Variants in NKD2 observed in about 807,000 individuals in gnomAD.
The protein encoded by NKD2 is protein naked cuticle homolog 2.
In NKD2, 43 loss-of-function variants were observed where a neutral mutation model predicts 34.8. That is an observed-to-expected ratio of 1.24 (90% CI 0.97 to 1.60). NKD2 has a LOEUF of 1.60. Among genes scored for constraint, NKD2 ranks in the 40% most tolerant of loss-of-function variants. NKD2 has a pLI of 0.00. For synonymous variants in NKD2, 278 were observed against 265.1 expected (o/e 1.05, Z -0.47); for missense variants, 675 against 627.1 (o/e 1.08, Z -0.82).
At chr5:1,030,717 G>A (rs753614417) in intron 3 of NKD2, among the ~76,000 whole-genome samples, 8 of 152,142 alleles carry the variant, frequency 5.3e-5, no homozygotes, top group South Asian at 2.1e-4. Flanking sequence ...AGCCAGTCCC[G>A]GAATGTCGGG....
At position 1,018,473 on chromosome 5, in the gene NKD2, C is replaced by T. The variant is rs111274219; in HGVS notation, c.141+8913C>T. Among the ~76,000 whole-genome samples, 263 of 152,306 alleles carry T rather than the reference C, an allele frequency of 1.7e-3. 2 individuals are homozygous for T. Among genetic ancestry groups the T allele is most frequent in the African/African-American group, 6.1e-3 (252 of 41,554 alleles). On this transcript the variant is annotated intron_variant, in intron 3 of 9. Transcript: ENST00000296849. ...GACATGGGCCTGGGGAAGGTGCTTGCGGGTATTTCATGAGCTTTTCTAGGC... is the reference window on the plus strand; with the variant it reads ...GACATGGGCCTGGGGAAGGTGCTTGTGGGTATTTCATGAGCTTTTCTAGGC...
At position 1,034,866 on chromosome 5, in the gene NKD2, CT is replaced by C; in HGVS notation, c.538del (p.Ser180ProfsTer248). Reference protein sequence around the residue: ...RVKLTVSPEPSSKRKEGPPAG... With the variant: ...RVKLTVSPEPXSKRKEGPPAG... ...TGAAGCTAACCGTCAGCCCTGAGCC[CT>C]CCAGCAAGAGGAAGGAGGGTCCTCC... On this transcript the variant is annotated frameshift_variant, in exon 7 of 10. Transcript: ENST00000296849. LOFTEE classifies it high-confidence loss of function. The C allele has an allele frequency of 1.2e-6, 2 of 1,612,468 alleles. No individual in the cohort carries two copies. The highest frequency in any genetic ancestry group is 1.7e-6 in the Non-Finnish European group (2 of 1,179,808).
rs1464110194 is a variant in NKD2, at chr5:1,009,588, G to A, written c.141+28G>A. 8.5e-6 allele frequency: 12 copies of A among 1,419,946 alleles called. No individual in the cohort carries two copies. Among genetic ancestry groups the A allele is most frequent in the African/African-American group, 3.0e-5 (2 of 65,994 alleles). 88.0% of individuals were successfully genotyped at this position (1,419,946 alleles called of 1,614,324 possible). On this transcript the variant is annotated intron_variant, in intron 3 of 9. Transcript: ENST00000296849. This position sits in a 1 kb window ranked among gnomAD's most constrained non-coding sequence, Gnocchi z 6.9. The stretch of plus-strand genomic sequence containing the variant: ...AGGCGGCGGGGCGGAGGCTGGGGTC[G>A]CGCTGCGCACCCGCCCGGGGGCGGG...
chr5:1,028,869 G>C (rs1476348036), intron 3 of NKD2, among the ~76,000 whole-genome samples: 1 of 152,180 alleles, frequency 6.6e-6, no homozygotes, highest in Non-Finnish European at 1.5e-5. Flanking sequence ...ATCTCAGGGA[G>C]GGGCGCCCGC....
At position 1,024,161 on chromosome 5, in the gene NKD2, A is replaced by G. The variant is rs866449884; in HGVS notation, c.142-7991A>G. 1.0e-2 allele frequency among the ~76,000 whole-genome samples: 36 copies of G among 3,608 alleles called. 5 individuals carry two copies. Among genetic ancestry groups the G allele is most frequent in the Admixed American group, 0.027 (4 of 150 alleles). The allele number at this position is 3,608 out of a possible 152,430, so 2.4% of individuals were successfully genotyped here. A position where few individuals can be genotyped will look rare whatever the true frequency, so the allele number is the denominator to read the frequency against. On this transcript the variant is annotated intron_variant, in intron 3 of 9. Transcript: ENST00000296849. Reference sequence around the variant, plus strand: ...CCACCCTCTGTGGGCGTCTCAGCCCATTGTCCCTGCTCTTCCCACTCTCTG... The same window carrying G: ...CCACCCTCTGTGGGCGTCTCAGCCCGTTGTCCCTGCTCTTCCCACTCTCTG...
At position 1,009,082 on chromosome 5, in the gene NKD2, G is replaced by A; in HGVS notation, c.25G>A (p.Ala9Thr). The A allele has an allele frequency of 2.2e-6, 1 of 449,248 alleles. No individual in the cohort carries two copies. Among genetic ancestry groups the A allele is most frequent in the South Asian group, 4.3e-5 (1 of 23,334 alleles). 27.8% of individuals were successfully genotyped at this position (449,248 alleles called of 1,614,324 possible). A position where few individuals can be genotyped will look rare whatever the true frequency, so the allele number is the denominator to read the frequency against. The change falls in exon 1 of 10, where the codon GCC becomes ACC. Residue 9 changes from alanine to threonine, a missense_variant and splice_region_variant. Physicochemically the swap from Ala to Thr is moderately conservative, Grantham distance 58 (BLOSUM62 0). Coordinates refer to ENST00000296849, the MANE Select transcript of NKD2 (RefSeq NM_033120.4). This position sits in a 1 kb window ranked among gnomAD's most constrained non-coding sequence, Gnocchi z 6.9. ...GATGGGGAAACTGCAGTCGAAGCAC[G>A]GTGAGCCGCGGGCCGGTAGGGCGGG... MGKLQSKH[A>T]AAARKRRESP... is the part of the protein sequence containing the mutation.
At chr5:1,030,493 T>C (rs1054749277) in intron 3 of NKD2, among the ~76,000 whole-genome samples, 3 of 152,234 alleles carry the variant, frequency 2.0e-5, no homozygotes, top group African/African-American at 7.2e-5. Context: ...TGGGCACTGC[T>C]CTGCACTCCA....
intron 3 of NKD2, among the ~76,000 whole-genome samples, chr5:1,021,944 C>T (rs1756207550): frequency 6.6e-6 from 1 of 152,194 alleles, no homozygotes; most frequent in Non-Finnish European, 1.5e-5. Flanking sequence ...GGCCCCTCCC[C>T]CAGGGCCGCC....
chr5:1,031,800 A>C (rs1266935762), intron 3 of NKD2, among the ~76,000 whole-genome samples: 1 of 151,942 alleles, frequency 6.6e-6, no homozygotes, highest in African/African-American at 2.4e-5. Context: ...CAGGCCCCAG[A>C]GCAAAGGGGC....
chr5:1,035,125 T>G (rs938632644), intron 7 of NKD2, among the ~76,000 whole-genome samples: 1 of 151,956 alleles, frequency 6.6e-6, no homozygotes, highest in African/African-American at 2.4e-5. Context: ...AATGAATGAG[T>G]GAACAAGTGA....
intron 7 of NKD2, 65 bp from the exon 8 acceptor site, chr5:1,035,324 G>T (rs545292334): frequency 5.7e-4 from 718 of 1,256,872 alleles, no homozygotes; most frequent in Non-Finnish European, 7.1e-4. Flanking sequence ...ATGAATGAGT[G>T]AATGAATGAG....
chr5:1,034,607 G>A (rs1733746562), intron 6 of NKD2, 149 bp from the exon 7 acceptor site: 15 of 893,534 alleles, frequency 1.7e-5, no homozygotes, highest in South Asian at 1.0e-4. Context: ...AGGCTGCTCC[G>A]AGAAGATGCC....
intron 3 of NKD2, among the ~76,000 whole-genome samples, chr5:1,027,608 T>C (rs774481070): frequency 6.6e-6 from 1 of 152,158 alleles, no homozygotes; most frequent in Non-Finnish European, 1.5e-5. Flanking sequence ...GCTGTGGCCT[T>C]TGCCTGTTGA....
rs1000596820 is a variant in NKD2 at position 1,009,197 on chromosome 5, G to A, written c.44G>A (p.Arg15Gln). 1 of 564,504 alleles carries A rather than the reference G, an allele frequency of 1.8e-6. No homozygotes were observed. The highest frequency in any genetic ancestry group is 2.1e-5 in the South Asian group (1 of 48,054). 35.0% of individuals were successfully genotyped at this position (564,504 alleles called of 1,614,324 possible). A position where few individuals can be genotyped will look rare whatever the true frequency, so the allele number is the denominator to read the frequency against. The change falls in exon 2 of 10, where the codon CGG (arginine) becomes CAG (glutamine). Residue 15 changes from arginine (R) to glutamine (Q), a missense_variant. Coordinates refer to ENST00000296849, the MANE Select transcript of NKD2 (RefSeq NM_033120.4). This position sits in a 1 kb window ranked among gnomAD's most constrained non-coding sequence, Gnocchi z 6.9. ...QSKHAAAARK[R>Q]RESPEGDSFV... Reference sequence around the variant, plus strand: ...GCCGCAGCCGCCGCCGCCCGCAAGCGGAGAGAGAGCCCGGAAGGTGAGCGG... The same window carrying A: ...GCCGCAGCCGCCGCCGCCCGCAAGCAGAGAGAGAGCCCGGAAGGTGAGCGG...
At chr5:1,037,390 A>C (rs773271573) in intron 9 of NKD2, 6 of 829,830 alleles carry the variant, frequency 7.2e-6, no homozygotes, top group Non-Finnish European at 9.5e-6. Context: ...CAGGGCTCGC[A>C]CTGCACGTTG....
chr5:1,029,260 G>A (rs1756545994), intron 3 of NKD2, among the ~76,000 whole-genome samples: 1 of 152,206 alleles, frequency 6.6e-6, no homozygotes, highest in African/African-American at 2.4e-5. Context: ...GGAATAAGGG[G>A]ATATTTTTTC....
chr5:1,009,153 T>C lies in NKD2; in HGVS notation c.26-26T>C. 1 of 539,524 alleles carries C rather than the reference T, an allele frequency of 1.9e-6. No individual in the cohort carries two copies. Among genetic ancestry groups the C allele is most frequent in the Non-Finnish European group, 3.3e-6 (1 of 301,016 alleles). The allele number at this position is 539,524 out of a possible 1,614,324, so 33.4% of individuals were successfully genotyped here. ...GGGCCGCCTCTCACTGTCGTTTTCCTCTCCCCGCGTCCCGCCGTGCCGCAG... is the reference window on the plus strand; with the variant it reads ...GGGCCGCCTCTCACTGTCGTTTTCCCCTCCCCGCGTCCCGCCGTGCCGCAG... On this transcript the variant is annotated intron_variant, in intron 1 of 9. Coordinates refer to ENST00000296849, the MANE Select transcript of NKD2 (RefSeq NM_033120.4). This position sits in a 1 kb window ranked among gnomAD's most constrained non-coding sequence, Gnocchi z 6.9.
At chr5:1,018,690 G>A (rs1292142379) in intron 3 of NKD2, among the ~76,000 whole-genome samples, 2 of 152,190 alleles carry the variant, frequency 1.3e-5, no homozygotes, top group Non-Finnish European at 2.9e-5. Flanking sequence ...GCCCAAGGCC[G>A]GAGCACAGAG....
At chr5:1,034,960 G>A in intron 7 of NKD2, 57 bp downstream of exon 7, 9 of 1,501,252 alleles carry the variant, frequency 6.0e-6, no homozygotes, top group Admixed American at 2.0e-5. Context: ...AGGGGCCTAA[G>A]CTGTGTGCGC....
Sources: allele counts gnomAD v4.1 joint callset (sites outside exome capture counted in the v4.1 genomes callset), GRCh38; gene constraint gnomAD v4.1.1; non-coding constraint Gnocchi (gnomAD v3.1); transcripts MANE v1.5; gene names NCBI Gene and HGNC (gene_info 2026-07-23, HGNC 2026-07-21).